The following FRS3 variants were observed in gnomAD, a reference collection of about 807,000 sequenced individuals.
FRS3 encodes the protein fibroblast growth factor receptor substrate 3.
FRS3 carries 17 observed loss-of-function variants against 41.9 expected under a neutral mutation model. The ratio of observed to expected loss-of-function variants is 0.41; its 90% confidence interval spans 0.28 to 0.61. The LOEUF (loss-of-function observed/expected upper bound fraction) is 0.61, where lower values mean the gene tolerates loss of function less well. FRS3 is among the 20% of genes least tolerant of loss of function. The probability of loss-of-function intolerance (pLI) is 0.36; values close to 1 mark genes in which losing one functional copy is unlikely to be tolerated. For missense variants in FRS3, 619 were observed against 672.1 expected, an observed-to-expected ratio of 0.92 and a Z score of 0.87; for synonymous variants, 287 against 274.5, an observed-to-expected ratio of 1.05 and a Z score of -0.45.
At chr6:41,771,691 C>T in intron 6 of FRS3, 125 bp downstream of exon 6, 1 of 1,215,292 alleles carries the variant, frequency 8.2e-7, no homozygotes, top group Non-Finnish European at 1.1e-6. Flanking sequence ...CTTTTGGGGA[C>T]AGGAAGGGAC....
chr6:41,776,260 T>A lies in FRS3; in HGVS notation c.67-655A>T, dbSNP rs116162946. Among the ~76,000 whole-genome samples, 529 of 152,238 alleles carry A rather than the reference T, an allele frequency of 3.5e-3. 2 individuals are homozygous for A. Among genetic ancestry groups the A allele is most frequent in the African/African-American group, 8.6e-3 (356 of 41,546 alleles). On this transcript the variant is annotated intron_variant, in intron 3 of 6. Transcript: ENST00000373018. ...ACTGTGTGCTAAGCACTATTTAATT[T>A]ATTTATTTATTTATTTTTTGAGATG... is the stretch of plus-strand genomic sequence containing the variant.
rs775151752 is a variant in FRS3, at chr6:41,771,206, C to A, written c.892G>T (p.Ala298Ser). The change falls in exon 7 of 7, where the codon GCT (alanine) becomes TCT (serine). Residue 298 changes from alanine (A) to serine (S), a missense_variant. By Grantham distance (99) the Ala-to-Ser change is moderately conservative. Transcript: ENST00000373018. Reference sequence around the variant, plus strand: ...TCCTCTGGGCTCAGTCTCCAGCCAGCCCCTCGCCACAGCCCCCCGGTGACG... The same window carrying A: ...TCCTCTGGGCTCAGTCTCCAGCCAGACCCTCGCCACAGCCCCCCGGTGACG... Reference protein sequence around the residue: ...ENVTGGLWRGAGWRLSPEEPG... With the variant: ...ENVTGGLWRGSGWRLSPEEPG... 3.8e-6 allele frequency: 6 copies of A among 1,563,504 alleles called. No homozygotes were observed. The highest frequency in any genetic ancestry group is 4.3e-6 in the Non-Finnish European group (5 of 1,151,426).
intron 1 of FRS3, among the ~76,000 whole-genome samples, chr6:41,779,313 G>C (rs1282048460): frequency 1.3e-5 from 2 of 152,000 alleles, no homozygotes; most frequent in Non-Finnish European, 2.9e-5. Flanking sequence ...TGAGAGGGGG[G>C]TGTGGGGGCT....
At chr6:41,773,889 A>T (rs954805376) in intron 4 of FRS3, among the ~76,000 whole-genome samples, 3 of 152,016 alleles carry the variant, frequency 2.0e-5, no homozygotes, top group African/African-American at 7.2e-5. Context: ...AAGAAAAAAG[A>T]AAAGAAAAAA....
chr6:41,771,423 TC>T lies in FRS3; in HGVS notation c.674del (p.Gly225AspfsTer16). 1.2e-6 allele frequency: 2 copies of T among 1,612,490 alleles called. No individual in the cohort carries two copies. Among genetic ancestry groups the T allele is most frequent in the Non-Finnish European group, 8.5e-7 (1 of 1,179,216 alleles). On this transcript the variant is annotated frameshift_variant, in exon 7 of 7. Coordinates refer to ENST00000373018, the MANE Select transcript of FRS3 (RefSeq NM_006653.5). LOFTEE classifies it high-confidence loss of function. ...GQAPFLPQAR[G>X]PDQRDPQVFL... ...ACACCTGTGGGTCCCGTTGGTCAGGTCCCCGGGCCTGCGGGAGGAAGGGTGC... is the reference window on the plus strand; with the variant it reads ...ACACCTGTGGGTCCCGTTGGTCAGGTCCCGGGCCTGCGGGAGGAAGGGTGC...
At chr6:41,776,742 G>A (rs182499112) in intron 3 of FRS3, 180 bp downstream of exon 3, 65 of 609,426 alleles carry the variant, frequency 1.1e-4, no homozygotes, top group African/African-American at 9.5e-4. Context: ...AAACAGCAGT[G>A]GTCTGGGCCT....
At chr6:41,772,455 C>T (rs1052325351) in intron 5 of FRS3, among the ~76,000 whole-genome samples, 10 of 152,164 alleles carry the variant, frequency 6.6e-5, no homozygotes, top group African/African-American at 2.4e-4. Context: ...ATGCCTGCAC[C>T]AGCAGCAAGG....
Position 41,770,530 on chromosome 6 carries a change from A to T in FRS3, c.*89T>A. ...CCATGCCTTCTGCAAAGCAACCCTG[A>T]ACCCTGGGGAGGGTGGGTTCAGAGG... On this transcript the variant is annotated 3_prime_UTR_variant, in exon 7 of 7. Coordinates refer to ENST00000373018, the MANE Select transcript of FRS3 (RefSeq NM_006653.5). The T allele has an allele frequency of 7.3e-7, 1 of 1,371,270 alleles. No individual in the cohort carries two copies. The highest frequency in any genetic ancestry group is 2.3e-5 in the East Asian group (1 of 43,648). The allele number at this position is 1,371,270 out of a possible 1,614,324, so 84.9% of individuals were successfully genotyped here.
chr6:41,777,142 C>CT (rs1166013862), intron 2 of FRS3, 132 bp from the exon 3 acceptor site: 2 of 641,114 alleles, frequency 3.1e-6, no homozygotes, highest in African/African-American at 3.6e-5. Context: ...CAGACCCCCC[C>CT]TCAAAGACTT....
chr6:41,773,859 G>A (rs1227363893), intron 4 of FRS3, among the ~76,000 whole-genome samples: 2 of 151,022 alleles, frequency 1.3e-5, no homozygotes, highest in African/African-American at 2.4e-5. Flanking sequence ...GTGACAGAGC[G>A]AGACTCTGTC....
At position 41,771,496 on chromosome 6, in the gene FRS3, T is replaced by C; in HGVS notation, c.602A>G (p.Asp201Gly). 6.4e-7 allele frequency: 1 copy of C among 1,564,676 alleles called. No individual in the cohort carries two copies. Among genetic ancestry groups the C allele is most frequent in the Non-Finnish European group, 8.6e-7 (1 of 1,156,844 alleles). The change falls in exon 7 of 7, where the codon GAC becomes GGC. Residue 201 changes from aspartate to glycine, a missense_variant. Asp to Gly is a moderately conservative substitution (Grantham distance 94, BLOSUM62 -1). Coordinates refer to ENST00000373018, the MANE Select transcript of FRS3 (RefSeq NM_006653.5). ...CAGGCAGTGGCGGCCCCTGCGGTGG[T>C]CATCTTCACTGGCCGGTGTGTTGAC... ...TYVNTPASED[D>G]HRRGRHCLQP... is the part of the protein sequence containing the mutation.
chr6:41,771,989 G>A, intron 5 of FRS3, 25 bp from the exon 6 acceptor site: 1 of 1,505,262 alleles, frequency 6.6e-7, no homozygotes, highest in Non-Finnish European at 8.9e-7. Context: ...GACAAGCCCA[G>A]GAGAGGGGAA....
rs1476712489 is a variant in FRS3, at chr6:41,770,995, G to A, written c.1103C>T (p.Thr368Ile). ...NGFPDGEEDE[T>I]PLQKPTSTRA... ...GGTGCTGGTGGGCTTCTGCAGTGGG[G>A]TCTCGTCCTCCTCACCATCAGGGAA... The change falls in exon 7 of 7, where the codon ACC becomes ATC. Residue 368 changes from threonine to isoleucine, a missense_variant. Thr to Ile is a moderately conservative substitution (Grantham distance 89, BLOSUM62 -1). Transcript: ENST00000373018. 6.2e-7 allele frequency: 1 copy of A among 1,613,128 alleles called. No homozygotes were observed. The highest frequency in any genetic ancestry group is 2.2e-5 in the East Asian group (1 of 44,868).
chr6:41,776,932 G>T lies in FRS3; in HGVS notation c.56C>A (p.Thr19Asn). Residue 19 changes from threonine (T) to asparagine (N), a missense_variant, in exon 3 of 7, where the codon ACC (threonine) becomes AAC (asparagine). Physicochemically the swap from Thr to Asn is moderately conservative, Grantham distance 65. This residue lies in a region of FRS3 where 100 missense variants were observed against 138.1 expected (regional missense o/e 0.72). Transcript: ENST00000373018. The part of the protein sequence containing the change: ...NRDSVPDNHP[T>N]KFKVTNVDDE... ...GAGGGCTCTGGGTACCTTGAACTTGGTGGGGTGGTTGTCTGGAACGCTGTC... is the reference window on the plus strand; with the variant it reads ...GAGGGCTCTGGGTACCTTGAACTTGTTGGGGTGGTTGTCTGGAACGCTGTC... 1 of 1,614,026 alleles carries T rather than the reference G, an allele frequency of 6.2e-7. No individual in the cohort carries two copies. The highest frequency in any genetic ancestry group is 1.1e-5 in the South Asian group (1 of 91,082).
chr6:41,772,301 A>G (rs566897838), intron 5 of FRS3, among the ~76,000 whole-genome samples: 3 of 152,140 alleles, frequency 2.0e-5, no homozygotes, highest in Non-Finnish European at 4.4e-5. Flanking sequence ...AGCTCCTCAA[A>G]AAAAGGGACT....
Position 41,770,453 on chromosome 6 carries a change from G to A in FRS3, c.*166C>T. On this transcript the variant is annotated 3_prime_UTR_variant, in exon 7 of 7. Transcript: ENST00000373018. ...TGGAGACAGACCAGGAGACTCGGTG[G>A]CTGATATCTCTGGGGACTCCAGCCA... The A allele has an allele frequency of 1.5e-6, 1 of 646,412 alleles. No individual in the cohort carries two copies. Among genetic ancestry groups the A allele is most frequent in the Non-Finnish European group, 2.7e-6 (1 of 370,990 alleles). The allele number at this position is 646,412 out of a possible 1,614,324, so 40.0% of individuals were successfully genotyped here.
chr6:41,771,697 G>A, intron 6 of FRS3, 119 bp downstream of exon 6: 1 of 1,247,834 alleles, frequency 8.0e-7, no homozygotes, highest in Non-Finnish European at 1.1e-6. Flanking sequence ...GGGACAGGAA[G>A]GGACCGTTAC....
chr6:41,772,035 G>T, intron 5 of FRS3, 71 bp from the exon 6 acceptor site: 1 of 1,322,306 alleles, frequency 7.6e-7, no homozygotes, highest in Non-Finnish European at 1.0e-6. Context: ...AGCTGTGTGT[G>T]TGGCATCCTG....
intron 2 of FRS3, 55 bp from the exon 3 acceptor site, chr6:41,777,065 G>T: frequency 7.6e-7 from 1 of 1,311,166 alleles, no homozygotes; most frequent in Non-Finnish European, 1.1e-6. Context: ...AAAAAACCCT[G>T]CTCTGGGGAA....
Sources: allele counts gnomAD v4.1 joint callset (sites outside exome capture counted in the v4.1 genomes callset), GRCh38; gene constraint gnomAD v4.1.1; regional missense constraint gnomAD v4.1.1; transcripts MANE v1.5; gene names NCBI Gene and HGNC (gene_info 2026-07-23, HGNC 2026-07-21).